Variants in NOS1 observed in about 807,000 individuals in gnomAD.
The protein encoded by NOS1 is NOS type I.
In NOS1, 51 loss-of-function variants were observed where a neutral mutation model predicts 164.5. The ratio of observed to expected loss-of-function variants is 0.31; its 90% CI spans 0.25 to 0.39. The LOEUF is 0.39. Ranked by LOEUF, NOS1 falls within the 10% of genes least tolerant of loss-of-function variation. NOS1 has a pLI of 1.00. For synonymous variants in NOS1, 719 were observed against 745.8 expected (o/e 0.96, Z 0.59); for missense variants, 1,362 against 1,885.6 (o/e 0.72, Z 5.14).
At chr12:117,215,578 G>A (rs1956594067) in intron 28 of NOS1, among the ~76,000 whole-genome samples, 1 of 151,968 alleles carries the variant, frequency 6.6e-6, no homozygotes, top group South Asian at 2.1e-4. Flanking sequence ...GATTACAGGT[G>A]CCTGCCACCA....
At chr12:117,307,270 G>C (rs79164937) in intron 3 of NOS1, among the ~76,000 whole-genome samples, 1,542 of 152,242 alleles carry the variant, frequency 0.01, 34 homozygotes, top group African/African-American at 0.036. Context: ...AAGGAAGGCT[G>C]GGTAACTTCC....
At chr12:117,261,919 C>G (rs528434671) in intron 13 of NOS1, among the ~76,000 whole-genome samples, 1 of 152,322 alleles carries the variant, frequency 6.6e-6, no homozygotes, top group African/African-American at 2.4e-5. Context: ...TCCTTCTGCT[C>G]TACTGGGCAG....
At chr12:117,310,935 G>A (rs1178165952) in intron 3 of NOS1, among the ~76,000 whole-genome samples, 16 of 151,872 alleles carry the variant, frequency 1.1e-4, no homozygotes, top group Non-Finnish European at 2.4e-4. Flanking sequence ...GTGCAATCTC[G>A]GCTCACTGCA....
intron 17 of NOS1, among the ~76,000 whole-genome samples, chr12:117,252,895 C>A (rs1340518006): frequency 5.9e-5 from 9 of 152,134 alleles, no homozygotes; most frequent in African/African-American, 2.2e-4. Flanking sequence ...TCCTACAGGG[C>A]AACTCACATC....
At chr12:117,254,255 G>A (rs1032722725) in intron 16 of NOS1, among the ~76,000 whole-genome samples, 25 of 152,180 alleles carry the variant, frequency 1.6e-4, no homozygotes, top group African/African-American at 6.0e-4. Context: ...TTACAGGCAT[G>A]TGCCAACATG....
chr12:117,341,034 C>T (rs190591428), intron 1 of NOS1, among the ~76,000 whole-genome samples: 9 of 152,062 alleles, frequency 5.9e-5, no homozygotes, highest in East Asian at 1.9e-4. Context: ...CAATAGTTAA[C>T]GTTTTCTATG....
At chr12:117,242,147 G>A (rs1253554712) in intron 20 of NOS1, among the ~76,000 whole-genome samples, 1 of 152,190 alleles carries the variant, frequency 6.6e-6, no homozygotes, top group East Asian at 1.9e-4. Context: ...TGGATATTAA[G>A]CTAATTTCTA....
chr12:117,295,501 T>G (rs1392925458), intron 3 of NOS1, among the ~76,000 whole-genome samples: 1 of 152,124 alleles, frequency 6.6e-6, no homozygotes, highest in Non-Finnish European at 1.5e-5. Context: ...ATTTATCTTG[T>G]CCTTTAGATA....
intron 9 of NOS1, among the ~76,000 whole-genome samples, chr12:117,276,376 A>G (rs1873180122): frequency 6.6e-6 from 1 of 152,036 alleles, no homozygotes; most frequent in Admixed American, 6.6e-5. Context: ...TCTGCTTCCC[A>G]GGTTCAGGTG....
In NOS1 at chr12:117,211,418, T is replaced by C; in HGVS notation, c.*3891A>G. 2 of 985,454 alleles carry C rather than the reference T, an allele frequency of 2.0e-6. No individual in the cohort carries two copies. Among genetic ancestry groups the C allele is most frequent in the Non-Finnish European group, 2.4e-6 (2 of 829,964 alleles). The allele number at this position is 985,454 out of a possible 1,614,324, so 61.0% of individuals were successfully genotyped here. A position where few individuals can be genotyped will look rare whatever the true frequency, so the allele number is the denominator to read the frequency against. On this transcript the variant is annotated 3_prime_UTR_variant, in exon 29 of 29. Coordinates refer to ENST00000317775, the MANE Select transcript of NOS1 (RefSeq NM_000620.5). Reference sequence around the variant, plus strand: ...ACCCCCCCAACAGCTCAACGGGCCATGCTCTGTACTGTGGCCAGAACTTTC... The same window carrying C: ...ACCCCCCCAACAGCTCAACGGGCCACGCTCTGTACTGTGGCCAGAACTTTC...
rs575964723 is a variant in NOS1, at chr12:117,211,375, G to A, written c.*3934C>T. 1.0e-6 allele frequency: 1 copy of A among 985,402 alleles called. No individual in the cohort carries two copies. Among genetic ancestry groups the A allele is most frequent in the Non-Finnish European group, 1.2e-6 (1 of 830,028 alleles). The allele number at this position is 985,402 out of a possible 1,614,324, so 61.0% of individuals were successfully genotyped here. A position where few individuals can be genotyped will look rare whatever the true frequency, so the allele number is the denominator to read the frequency against. On this transcript the variant is annotated 3_prime_UTR_variant, in exon 29 of 29. Coordinates refer to ENST00000317775, the MANE Select transcript of NOS1 (RefSeq NM_000620.5). ...TACATCCGCCTCTTCCCTCACTCAA[G>A]CCTTGGTTGCAGCAATAACCCCCCC...
intron 7 of NOS1, among the ~76,000 whole-genome samples, chr12:117,281,571 C>T (rs1048223502): frequency 7.0e-6 from 1 of 143,166 alleles, no homozygotes; most frequent in African/African-American, 2.6e-5. Context: ...CATGGTGGCT[C>T]ATGCCTATAA....
intron 4 of NOS1, among the ~76,000 whole-genome samples, chr12:117,290,036 T>C (rs898342376): frequency 2.6e-5 from 4 of 152,174 alleles, no homozygotes; most frequent in African/African-American, 9.7e-5. Flanking sequence ...GTGATTTCCT[T>C]GAAATACATG....
At chr12:117,253,859 T>C (rs1017464523) in intron 16 of NOS1, 105 bp from the exon 17 acceptor site, 18 of 743,468 alleles carry the variant, frequency 2.4e-5, no homozygotes, top group Non-Finnish European at 4.3e-5. Flanking sequence ...TAGGGCCTTC[T>C]CTTGTATGTT....
intron 11 of NOS1, among the ~76,000 whole-genome samples, chr12:117,266,838 A>C (rs1409256052): frequency 6.6e-6 from 1 of 152,084 alleles, no homozygotes. Flanking sequence ...GCGCCTGGCT[A>C]GTTTTCATTG....
chr12:117,355,240 G>A (rs1351352631), intron 1 of NOS1, among the ~76,000 whole-genome samples: 1 of 152,192 alleles, frequency 6.6e-6, no homozygotes, highest in Non-Finnish European at 1.5e-5. Context: ...CAAATAAGAG[G>A]TGGGAAATGC....
At position 117,330,621 on chromosome 12, in the gene NOS1, T is replaced by A. The variant is rs1875493530; in HGVS notation, c.449A>T (p.Asp150Val). ...CCCATTCCCGGGACCCGAGGCCCCA[T>A]CCACTGCCAGGGGCTGTTCTTTGCC... ...PAGKEQPLAV[D>V]GASGPGNGPQ... is the part of the protein sequence containing the mutation. Residue 150 changes from aspartate to valine, a missense_variant, in exon 2 of 29, where the codon GAT becomes GTT. By Grantham distance (152) the Asp-to-Val change is radical. Coordinates refer to ENST00000317775, the MANE Select transcript of NOS1 (RefSeq NM_000620.5). The surrounding 1 kb of genome is among the most constrained non-coding windows in gnomAD (Gnocchi z 4.6). 1 of 1,611,620 alleles carries A rather than the reference T, an allele frequency of 6.2e-7. No homozygotes were observed. Among genetic ancestry groups the A allele is most frequent in the Non-Finnish European group, 8.5e-7 (1 of 1,178,526 alleles).
chr12:117,241,584 C>T (rs781291023), intron 20 of NOS1, among the ~76,000 whole-genome samples: 1 of 151,890 alleles, frequency 6.6e-6, no homozygotes, highest in Non-Finnish European at 1.5e-5. Context: ...AGATCTTCTG[C>T]TGTAACTACA....
chr12:117,338,960 A>G (rs537263962), intron 1 of NOS1, among the ~76,000 whole-genome samples: 1 of 152,332 alleles, frequency 6.6e-6, no homozygotes, highest in East Asian at 1.9e-4. Flanking sequence ...TTCAAAAACA[A>G]AACAAAATAC....
Sources: gnomAD v4.1 joint callset for allele counts (sites outside exome capture counted in the v4.1 genomes callset) on GRCh38, gnomAD v4.1.1 for gene constraint, Gnocchi (gnomAD v3.1) non-coding constraint, MANE v1.5 for transcripts, NCBI Gene and HGNC (gene_info 2026-07-23, HGNC 2026-07-21) for gene names.